The following EXOSC2 variants were observed in gnomAD, a reference collection of about 807,000 sequenced individuals.
The protein encoded by EXOSC2 is exosome complex component RRP4.
A neutral mutation model predicts 37.6 loss-of-function variants in EXOSC2; 29 were observed. That is an observed-to-expected ratio of 0.77 (90% CI 0.57 to 1.05). The LOEUF (loss-of-function observed/expected upper bound fraction) is 1.05, where lower values mean the gene tolerates loss of function less well. EXOSC2 is among the 50% of genes least tolerant of loss of function. The probability of loss-of-function intolerance (pLI) is 0.00; values close to 1 mark genes in which losing one functional copy is unlikely to be tolerated. For synonymous variants in EXOSC2, 119 were observed against 131.1 expected (o/e 0.91, Z 0.63); for missense variants, 346 against 365.6 (o/e 0.95, Z 0.44).
chr9:130,697,357 G>A (rs1831118669), intron 2 of EXOSC2, among the ~76,000 whole-genome samples: 1 of 152,240 alleles, frequency 6.6e-6, no homozygotes, highest in Admixed American at 6.5e-5. Context: ...GAACTACTTG[G>A]AATGGTGATA....
At chr9:130,702,976 A>G (rs1325232601) in intron 7 of EXOSC2, 77 bp from the exon 8 acceptor site, 1 of 1,523,344 alleles carries the variant, frequency 6.6e-7, no homozygotes, top group Non-Finnish European at 9.0e-7. Flanking sequence ...TAAATGATTT[A>G]TTTGTGAATT....
chr9:130,697,847 G>A (rs1190069188), intron 3 of EXOSC2: 6 of 560,510 alleles, frequency 1.1e-5, no homozygotes, highest in Non-Finnish European at 1.9e-5. Flanking sequence ...AGGCTGGAGT[G>A]CAGTGGCATG....
chr9:130,698,297 G>C lies in EXOSC2; in HGVS notation c.360+46G>C, dbSNP rs1377318606. 1 of 1,552,426 alleles carries C rather than the reference G, an allele frequency of 6.4e-7. No homozygotes were observed. Among genetic ancestry groups the C allele is most frequent in the African/African-American group, 1.4e-5 (1 of 73,786 alleles). ...CATGGACTAGGGCCCAGTGGGCTGG[G>C]GGGAGCCGTGGGACCCTTTGTTCCA... On this transcript the variant is annotated intron_variant, in intron 4 of 8. Transcript: ENST00000372358. This position sits in a 1 kb window ranked among gnomAD's most constrained non-coding sequence, Gnocchi z 4.1.
intron 3 of EXOSC2, chr9:130,697,906 G>A (rs1355901091): frequency 3.7e-6 from 2 of 538,760 alleles, no homozygotes; most frequent in Non-Finnish European, 6.7e-6. Flanking sequence ...CGATTCTCCT[G>A]CCTCAGCCTC....
rs1392277653 is a variant in EXOSC2, at chr9:130,704,036, A to T, written c.*262A>T. ...CAGCTCTTTCAAAGTGCACAGTGTT[A>T]CAGTCGAATGGGCTCCCATCCTGGA... On this transcript the variant is annotated 3_prime_UTR_variant, in exon 9 of 9. Coordinates refer to ENST00000372358, the MANE Select transcript of EXOSC2 (RefSeq NM_014285.7). The T allele has an allele frequency of 3.3e-6, 1 of 307,160 alleles. No homozygotes were observed. The highest frequency in any genetic ancestry group is 6.0e-6 in the Non-Finnish European group (1 of 166,918). 19.0% of individuals were successfully genotyped at this position (307,160 alleles called of 1,614,324 possible). A position where few individuals can be genotyped will look rare whatever the true frequency, so the allele number is the denominator to read the frequency against.
rs1460439300 is a variant in EXOSC2, at chr9:130,704,859, G to T, written c.*1085G>T. 2 of 152,162 alleles carry T rather than the reference G, an allele frequency of 1.3e-5. No individual in the cohort carries two copies. Among genetic ancestry groups the T allele is most frequent in the Non-Finnish European group, 2.9e-5 (2 of 68,036 alleles). 9.4% of individuals were successfully genotyped at this position (152,162 alleles called of 1,614,324 possible). On this transcript the variant is annotated 3_prime_UTR_variant, in exon 9 of 9. Coordinates refer to ENST00000372358, the MANE Select transcript of EXOSC2 (RefSeq NM_014285.7). ...AAAAGACGCCAGAGTTCTCGCTGAAGAATGTGAGAATTCCTGTGCATTGTT... is the reference window on the plus strand; with the variant it reads ...AAAAGACGCCAGAGTTCTCGCTGAATAATGTGAGAATTCCTGTGCATTGTT...
chr9:130,703,836 C>A lies in EXOSC2; in HGVS notation c.*62C>A. 7.4e-7 allele frequency: 1 copy of A among 1,344,848 alleles called. No homozygotes were observed. The highest frequency in any genetic ancestry group is 1.0e-6 in the Non-Finnish European group (1 of 957,578). The allele number at this position is 1,344,848 out of a possible 1,614,324, so 83.3% of individuals were successfully genotyped here. Reference sequence around the variant, plus strand: ...AGGAGTGAAGACTGTGATGTGTGGTCCCCATATGTGGCTCAGCAAAGACTC... The same window carrying A: ...AGGAGTGAAGACTGTGATGTGTGGTACCCATATGTGGCTCAGCAAAGACTC... On this transcript the variant is annotated 3_prime_UTR_variant, in exon 9 of 9. Transcript: ENST00000372358.
In EXOSC2 at chr9:130,698,833, C is replaced by T. The variant is rs998463473; in HGVS notation, c.361-496C>T. 3.3e-5 allele frequency among the ~76,000 whole-genome samples: 5 copies of T among 152,118 alleles called. No homozygotes were observed. The highest frequency in any genetic ancestry group is 5.9e-5 in the Non-Finnish European group (4 of 68,020). ...ATAAGATAACTGACCTAGTCCCTGG[C>T]AGTAGAAGAATAAATAAGCTGTGGT... On this transcript the variant is annotated intron_variant, in intron 4 of 8. Coordinates refer to ENST00000372358, the MANE Select transcript of EXOSC2 (RefSeq NM_014285.7). The surrounding 1 kb of genome is among the most constrained non-coding windows in gnomAD (Gnocchi z 4.1).
rs138256153 is a variant in EXOSC2, at chr9:130,694,573, G to A, written c.122+660G>A. 4.3e-3 allele frequency among the ~76,000 whole-genome samples: 660 copies of A among 152,260 alleles called. 2 individuals carry two copies. The highest frequency in any genetic ancestry group is 0.015 in the African/African-American group (604 of 41,542). On this transcript the variant is annotated intron_variant, in intron 1 of 8. Coordinates refer to ENST00000372358, the MANE Select transcript of EXOSC2 (RefSeq NM_014285.7). This position sits in a 1 kb window ranked among gnomAD's most constrained non-coding sequence, Gnocchi z 4.0. ...ATGAGACAATTATGTAAGAAAAGAA[G>A]TAAAACCAGCCATTATATCATCATA...
At chr9:130,701,683 C>A in intron 6 of EXOSC2, 1 of 907,462 alleles carries the variant, frequency 1.1e-6, no homozygotes, top group Non-Finnish European at 1.3e-6. Flanking sequence ...CAGGACCAGA[C>A]ATGGATTTGC....
At position 130,698,017 on chromosome 9, in the gene EXOSC2, C is replaced by G. The variant is rs1327288151; in HGVS notation, c.271-145C>G. Reference sequence around the variant, plus strand: ...TTATATTGGTCAGGCTGGTCTCAAACTCCTGACCTCAAGTGATCCACCAGC... The same window carrying G: ...TTATATTGGTCAGGCTGGTCTCAAAGTCCTGACCTCAAGTGATCCACCAGC... On this transcript the variant is annotated intron_variant, in intron 3 of 8. Transcript: ENST00000372358. The surrounding 1 kb of genome is among the most constrained non-coding windows in gnomAD (Gnocchi z 4.1). The G allele has an allele frequency of 1.4e-6, 1 of 691,914 alleles. No homozygotes were observed. Among genetic ancestry groups the G allele is most frequent in the African/African-American group, 1.8e-5 (1 of 56,650 alleles). The allele number at this position is 691,914 out of a possible 1,614,324, so 42.9% of individuals were successfully genotyped here.
intron 5 of EXOSC2, chr9:130,699,932 A>T (rs1831175466): frequency 6.5e-6 from 1 of 154,070 alleles, no homozygotes; most frequent in African/African-American, 2.4e-5. Context: ...GCTTGAGCCC[A>T]GGAGCTCAAG....
Position 130,693,799 on chromosome 9 carries a change from T to G in EXOSC2, c.8T>G (p.Met3Arg). Residue 3 changes from methionine (M) to arginine (R), a missense_variant, in exon 1 of 9, where the codon ATG (methionine) becomes AGG (arginine). Met to Arg is a moderately conservative substitution (Grantham distance 91). Transcript: ENST00000372358. MA[M>R]EMRLPVARKP... The stretch of plus-strand genomic sequence containing the variant: ...CAACTCATTGGCGCCAAGATGGCGA[T>G]GGAGATGAGGCTTCCAGTGGCTCGC... 1.2e-6 allele frequency: 2 copies of G among 1,604,046 alleles called. No individual in the cohort carries two copies. The highest frequency in any genetic ancestry group is 1.7e-6 in the Non-Finnish European group (2 of 1,173,388).
At chr9:130,703,595 A>G in intron 8 of EXOSC2, 99 bp from the exon 9 acceptor site, 2 of 913,958 alleles carry the variant, frequency 2.2e-6, no homozygotes, top group Non-Finnish European at 3.4e-6. Context: ...AAAGGAATAC[A>G]GAAAGTTTAT....
Position 130,695,855 on chromosome 9 carries a change from CTTTTTT to C in EXOSC2, c.224+278_224+283del, listed in dbSNP as rs397721632. Among the ~76,000 whole-genome samples the C allele has an allele frequency of 5.4e-5, 6 of 111,182 alleles. No individual in the cohort carries two copies. The South Asian group carries it at 8.9e-4, about 16-fold the overall frequency. The allele number at this position is 111,182 out of a possible 152,430, so 72.9% of individuals were successfully genotyped here. Reference sequence around the variant, plus strand: ...CATGGCCTACTTCATAGGATTTTCTCTTTTTTTTTTTTTTTTTTTTTCCGAGATGGA... The same window carrying C: ...CATGGCCTACTTCATAGGATTTTCTCTTTTTTTTTTTTTTTCCGAGATGGA... On this transcript the variant is annotated intron_variant, in intron 2 of 8. Transcript: ENST00000372358.
At chr9:130,700,972 A>G in intron 6 of EXOSC2, 37 bp downstream of exon 6, 1 of 1,603,170 alleles carries the variant, frequency 6.2e-7, no homozygotes. Flanking sequence ...TTGCTGACTG[A>G]GACTACAAGG....
In EXOSC2 at chr9:130,698,392, TA is replaced by T; in HGVS notation, c.360+142del. ...TTTGTCTGCTGTGAAGTTTGCTGCCTAGATGTGTATGTAGACTTTTCACCCT... is the reference window on the plus strand; with the variant it reads ...TTTGTCTGCTGTGAAGTTTGCTGCCTGATGTGTATGTAGACTTTTCACCCT... On this transcript the variant is annotated intron_variant, in intron 4 of 8. Coordinates refer to ENST00000372358, the MANE Select transcript of EXOSC2 (RefSeq NM_014285.7). This position sits in a 1 kb window ranked among gnomAD's most constrained non-coding sequence, Gnocchi z 4.1. The T allele has an allele frequency of 1.5e-6, 1 of 679,704 alleles. No homozygotes were observed. The highest frequency in any genetic ancestry group is 2.5e-6 in the Non-Finnish European group (1 of 396,378). 42.1% of individuals were successfully genotyped at this position (679,704 alleles called of 1,614,324 possible).
In EXOSC2 at chr9:130,703,874, C is replaced by A; in HGVS notation, c.*100C>A. On this transcript the variant is annotated 3_prime_UTR_variant, in exon 9 of 9. Transcript: ENST00000372358. Reference sequence around the variant, plus strand: ...TCAGCAAAGACTCGAGAGATCATCCCTTTGTCTGCATTGACGGCCCTGTGA... The same window carrying A: ...TCAGCAAAGACTCGAGAGATCATCCATTTGTCTGCATTGACGGCCCTGTGA... 2 of 981,686 alleles carry A rather than the reference C, an allele frequency of 2.0e-6. No homozygotes were observed. The highest frequency in any genetic ancestry group is 3.0e-6 in the Non-Finnish European group (2 of 658,662). 60.8% of individuals were successfully genotyped at this position (981,686 alleles called of 1,614,324 possible). A position where few individuals can be genotyped will look rare whatever the true frequency, so the allele number is the denominator to read the frequency against.
chr9:130,700,373 T>A (rs1021991721), intron 5 of EXOSC2, among the ~76,000 whole-genome samples: 49 of 135,510 alleles, frequency 3.6e-4, no homozygotes, highest in African/African-American at 9.1e-4. Context: ...TTATTTATTT[T>A]TTTGAGACGG....
Sources: allele counts gnomAD v4.1 joint callset (sites outside exome capture counted in the v4.1 genomes callset), GRCh38; gene constraint gnomAD v4.1.1; non-coding constraint Gnocchi (gnomAD v3.1); transcripts MANE v1.5; gene names NCBI Gene and HGNC (gene_info 2026-07-23, HGNC 2026-07-21).